The following GFM2 variants were observed in gnomAD, a reference collection of about 807,000 sequenced individuals.
The protein encoded by GFM2 is ribosome-releasing factor 2, mitochondrial.
Under a neutral mutation model 95.4 loss-of-function variants are expected in GFM2, and 72 were observed. That is an observed-to-expected ratio of 0.76 (90% CI 0.62 to 0.92). The LOEUF is 0.92. Among genes scored for constraint, GFM2 ranks in the 40% least tolerant of loss-of-function variants. The pLI is 0.00. For synonymous variants in GFM2, 276 were observed against 317.5 expected (o/e 0.87, Z 1.39); for missense variants, 825 against 924.1 (o/e 0.89, Z 1.39).
chr5:74,721,473 TA>T lies in GFM2; in HGVS notation c.*181del. 1 of 724,830 alleles carries T rather than the reference TA, an allele frequency of 1.4e-6. No homozygotes were observed. The highest frequency in any genetic ancestry group is 2.4e-6 in the Non-Finnish European group (1 of 421,430). The allele number at this position is 724,830 out of a possible 1,614,324, so 44.9% of individuals were successfully genotyped here. A position where few individuals can be genotyped will look rare whatever the true frequency, so the allele number is the denominator to read the frequency against. On this transcript the variant is annotated 3_prime_UTR_variant, in exon 21 of 21. Coordinates refer to ENST00000296805, the MANE Select transcript of GFM2 (RefSeq NM_032380.5). ...TTAAACATCAAAGCACATTTCTCAT[TA>T]TATAAATTAAAACGGGTGGCTCCAG...
At chr5:74,749,615 G>A (rs887175109) in intron 7 of GFM2, among the ~76,000 whole-genome samples, 2 of 151,986 alleles carry the variant, frequency 1.3e-5, no homozygotes, top group African/African-American at 2.4e-5. Context: ...TTATAGATAC[G>A]TACTATAAAT....
chr5:74,742,823 C>G (rs903719475), intron 10 of GFM2, among the ~76,000 whole-genome samples: 2 of 152,086 alleles, frequency 1.3e-5, no homozygotes, highest in Non-Finnish European at 2.9e-5. Context: ...CGTGCCACCA[C>G]GCCCAGCTAA....
chr5:74,753,870 C>G (rs1366099677), intron 5 of GFM2, among the ~76,000 whole-genome samples: 4 of 152,112 alleles, frequency 2.6e-5, no homozygotes, highest in African/African-American at 9.7e-5. Context: ...CAAAGAACAC[C>G]TGGGAAATTC....
intron 5 of GFM2, among the ~76,000 whole-genome samples, 184 bp from the exon 6 acceptor site, chr5:74,751,677 T>G (rs765175530): frequency 6.6e-6 from 1 of 152,214 alleles, no homozygotes; most frequent in Non-Finnish European, 1.5e-5. Flanking sequence ...TCAGCTAGAT[T>G]AGTAACTTTG....
At chr5:74,731,792 T>C (rs1742576216) in intron 16 of GFM2, among the ~76,000 whole-genome samples, 2 of 152,136 alleles carry the variant, frequency 1.3e-5, no homozygotes, top group South Asian at 2.1e-4. Flanking sequence ...GAAGAACATA[T>C]GTTTGGGTAA....
At chr5:74,727,074 G>C (rs181718573) in intron 17 of GFM2, among the ~76,000 whole-genome samples, 1 of 152,084 alleles carries the variant, frequency 6.6e-6, no homozygotes, top group East Asian at 1.9e-4. Context: ...AGACTGAGGC[G>C]GGAGGATTGC....
chr5:74,740,916 C>T (rs941024959), intron 11 of GFM2, among the ~76,000 whole-genome samples: 3 of 152,072 alleles, frequency 2.0e-5, no homozygotes, highest in African/African-American at 7.2e-5. Flanking sequence ...CTTAGAAATA[C>T]TTTGCTTGGC....
intron 15 of GFM2, among the ~76,000 whole-genome samples, chr5:74,735,580 G>T (rs1013640520): frequency 1.3e-5 from 2 of 152,196 alleles, no homozygotes; most frequent in East Asian, 3.8e-4. Context: ...CATAAAGTGT[G>T]ATGCTTGAGG....
rs1363587084 is a variant in GFM2, at chr5:74,738,416, C to G, written c.1222G>C (p.Glu408Gln). 1 of 1,612,842 alleles carries G rather than the reference C, an allele frequency of 6.2e-7. No homozygotes were observed. The change falls in exon 14 of 21, where the codon GAG (glutamate) becomes CAG (glutamine). Residue 408 changes from glutamate (E) to glutamine (Q), a missense_variant and splice_region_variant. By Grantham distance (29) the Glu-to-Gln change is conservative (BLOSUM62 2). Coordinates refer to ENST00000296805, the MANE Select transcript of GFM2 (RefSeq NM_032380.5). ...AIHNINGNCT[E>Q]RISRLLLPFA... ...GGCAAAAGCAGACGACTTATTCTCTCCCTGTAAAATCACAATTTTATGTTA... is the reference window on the plus strand; with the variant it reads ...GGCAAAAGCAGACGACTTATTCTCTGCCTGTAAAATCACAATTTTATGTTA...
intron 3 of GFM2, among the ~76,000 whole-genome samples, chr5:74,760,494 C>A (rs1744223161): frequency 6.6e-6 from 1 of 152,172 alleles, no homozygotes; most frequent in Non-Finnish European, 1.5e-5. Flanking sequence ...CCTAAACAAT[C>A]CCAAATACTT....
chr5:74,726,525 G>A (rs62366373), intron 17 of GFM2, among the ~76,000 whole-genome samples: 1 of 151,880 alleles, frequency 6.6e-6, no homozygotes, highest in African/African-American at 2.4e-5. Flanking sequence ...AAAATTAAAC[G>A]ACTTTAAATC....
intron 19 of GFM2, among the ~76,000 whole-genome samples, chr5:74,724,361 G>A (rs1750052528): frequency 6.6e-6 from 1 of 151,864 alleles, no homozygotes; most frequent in Admixed American, 6.6e-5. Flanking sequence ...GATGGGCATG[G>A]TGGCTTACAC....
intron 11 of GFM2, 25 bp downstream of exon 11, chr5:74,741,504 A>G: frequency 8.9e-7 from 1 of 1,127,816 alleles, no homozygotes; most frequent in Admixed American, 2.0e-5. Flanking sequence ...AAATTTTGTG[A>G]AAGCCATTGA....
At chr5:74,764,864 C>A (rs1744471973) in intron 1 of GFM2, among the ~76,000 whole-genome samples, 1 of 144,160 alleles carries the variant, frequency 6.9e-6, no homozygotes, top group Non-Finnish European at 1.5e-5. Flanking sequence ...CAGCTCCCTG[C>A]AACCTCTGCC....
At chr5:74,722,971 A>G (rs576685204) in intron 19 of GFM2, among the ~76,000 whole-genome samples, 1 of 152,338 alleles carries the variant, frequency 6.6e-6, no homozygotes, top group East Asian at 1.9e-4. Context: ...AAGGTAGTAG[A>G]AACATTATGT....
intron 17 of GFM2, among the ~76,000 whole-genome samples, chr5:74,728,748 C>CTTTTTTTTTTTTT (rs57180600): frequency 6.9e-5 from 4 of 58,236 alleles, no homozygotes; most frequent in African/African-American, 1.2e-4. Flanking sequence ...GTGGGGGTTT[C>CTTTTTTTTTTTTT]TTTTTTTTTT....
rs1461818938 is a variant in GFM2, at chr5:74,733,031, G to A, written c.1578C>T (p.Asp526=). The change falls in exon 16 of 21, where the codon GAC becomes GAT. Residue 526 remains aspartate, a synonymous_variant. Coordinates refer to ENST00000296805, the MANE Select transcript of GFM2 (RefSeq NM_032380.5). The part of the protein sequence containing the change: ...DPSLKVRLDP[D]SGQTVLCGMG... The stretch of plus-strand genomic sequence containing the variant: ...GCAATAATATACCTACTTGTCCAGA[G>A]TCAGGATCTAGCCTCACTTTCAAAC... 1.9e-6 allele frequency: 3 copies of A among 1,607,468 alleles called. No individual in the cohort carries two copies. In the Admixed American group the frequency reaches 5.0e-5, roughly 27 times the overall value.
At chr5:74,727,653 C>G (rs1750209263) in intron 17 of GFM2, among the ~76,000 whole-genome samples, 1 of 152,214 alleles carries the variant, frequency 6.6e-6, no homozygotes, top group African/African-American at 2.4e-5. Context: ...AGAGTCTCTT[C>G]AAGCTGGTTC....
At chr5:74,745,931 A>G in intron 9 of GFM2, 74 bp from the exon 10 acceptor site, 1 of 1,315,502 alleles carries the variant, frequency 7.6e-7, no homozygotes, top group Non-Finnish European at 1.1e-6. Flanking sequence ...AGTCTTTTCT[A>G]ATTGTACCAT....
Sources: gnomAD v4.1 joint callset for allele counts (sites outside exome capture counted in the v4.1 genomes callset) on GRCh38, gnomAD v4.1.1 for gene constraint, MANE v1.5 for transcripts, NCBI Gene and HGNC (gene_info 2026-07-23, HGNC 2026-07-21) for gene names.